Variants in FXN observed in about 807,000 individuals in gnomAD.
The protein encoded by FXN is frataxin, mitochondrial.
Under a neutral mutation model 22.4 loss-of-function variants are expected in FXN, and 14 were observed. The ratio of observed to expected loss-of-function variants is 0.62; its 90% CI spans 0.41 to 0.98. FXN has a LOEUF of 0.98. Ranked by LOEUF, FXN falls within the 50% of genes least tolerant of loss-of-function variation. The pLI is 0.00. For missense variants in FXN, 267 were observed against 268.4 expected (o/e 0.99, Z 0.04); for synonymous variants, 120 against 114.1 (o/e 1.05, Z -0.33).
Position 69,076,820 on chromosome 9 carries a change from A to G in FXN, c.*4058A>G. 1 of 985,496 alleles carries G rather than the reference A, an allele frequency of 1.0e-6. No homozygotes were observed. Among genetic ancestry groups the G allele is most frequent in the African/African-American group, 1.7e-5 (1 of 57,376 alleles). The allele number at this position is 985,496 out of a possible 1,614,324, so 61.0% of individuals were successfully genotyped here. A position where few individuals can be genotyped will look rare whatever the true frequency, so the allele number is the denominator to read the frequency against. On this transcript the variant is annotated 3_prime_UTR_variant, in exon 5 of 5. Coordinates refer to ENST00000484259, the MANE Select transcript of FXN (RefSeq NM_000144.5). ...CAAACTAAAACAGCTACATGCCAGC[A>G]AGGGAGAAAGGGGAAGGAGGGGCAA...
chr9:69,054,310 ACTT>A (rs1255216074), intron 3 of FXN, among the ~76,000 whole-genome samples: 1 of 152,122 alleles, frequency 6.6e-6, no homozygotes, highest in Non-Finnish European at 1.5e-5. Flanking sequence ...TGGTGTGAGA[ACTT>A]CTGAGTTGGA....
intron 4 of FXN, among the ~76,000 whole-genome samples, chr9:69,068,291 A>G (rs1481509497): frequency 6.6e-6 from 1 of 152,216 alleles, no homozygotes; most frequent in Non-Finnish European, 1.5e-5. Flanking sequence ...CCCCCAAGGC[A>G]TTGCATAAAT....
chr9:69,036,014 G>A, intron 1 of FXN, 67 bp downstream of exon 1: 2 of 1,214,782 alleles, frequency 1.6e-6, no homozygotes, highest in South Asian at 3.2e-5. Context: ...CGCCTGCGCA[G>A]GGAGGCGCCG....
At chr9:69,045,485 C>A (rs556755578) in intron 1 of FXN, among the ~76,000 whole-genome samples, 2 of 151,988 alleles carry the variant, frequency 1.3e-5, no homozygotes, top group African/African-American at 4.8e-5. Context: ...CCCAGCTACG[C>A]GGGAGGCTGA....
intron 3 of FXN, among the ~76,000 whole-genome samples, chr9:69,063,975 C>T (rs925916264): frequency 6.6e-6 from 1 of 152,208 alleles, no homozygotes; most frequent in Non-Finnish European, 1.5e-5. Context: ...TGAGCCATGC[C>T]TGGCCTAAAT....
At chr9:69,066,633 G>C (rs763949306) in intron 4 of FXN, among the ~76,000 whole-genome samples, 46 of 152,234 alleles carry the variant, frequency 3.0e-4, no homozygotes, top group Non-Finnish European at 5.7e-4. Flanking sequence ...CCGGGGGAAC[G>C]AAGTGGATCA....
At chr9:69,072,225 C>T (rs1832288321) in intron 4 of FXN, among the ~76,000 whole-genome samples, 1 of 152,182 alleles carries the variant, frequency 6.6e-6, no homozygotes, top group Non-Finnish European at 1.5e-5. Context: ...GTGAATTTCA[C>T]CTTAACAACT....
At chr9:69,041,238 A>G (rs184763808) in intron 1 of FXN, among the ~76,000 whole-genome samples, 196 of 152,100 alleles carry the variant, frequency 1.3e-3, no homozygotes, top group African/African-American at 4.5e-3. Context: ...CAATCCATGT[A>G]TTGCTTATAT....
chr9:69,077,443 T>A lies in FXN; in HGVS notation c.*4681T>A, dbSNP rs1212968810. 1.0e-6 allele frequency: 1 copy of A among 985,394 alleles called. No individual in the cohort carries two copies. Among genetic ancestry groups the A allele is most frequent in the Admixed American group, 6.1e-5 (1 of 16,272 alleles). The allele number at this position is 985,394 out of a possible 1,614,324, so 61.0% of individuals were successfully genotyped here. On this transcript the variant is annotated 3_prime_UTR_variant, in exon 5 of 5. Coordinates refer to ENST00000484259, the MANE Select transcript of FXN (RefSeq NM_000144.5). Reference sequence around the variant, plus strand: ...ATTGAAATGTTTATTAGCTGAAGATTTATTTAGACAGTTGAGGAAAACATC... The same window carrying A: ...ATTGAAATGTTTATTAGCTGAAGATATATTTAGACAGTTGAGGAAAACATC...
At chr9:69,036,346 ATGTG>A (rs1194553962) in intron 1 of FXN, 1 of 155,584 alleles carries the variant, frequency 6.4e-6, no homozygotes, top group African/African-American at 2.4e-5. Flanking sequence ...CATACACATA[ATGTG>A]TGTGTCTGTG....
At chr9:69,060,838 G>C (rs755563750) in intron 3 of FXN, among the ~76,000 whole-genome samples, 1 of 152,156 alleles carries the variant, frequency 6.6e-6, no homozygotes, top group Non-Finnish European at 1.5e-5. Flanking sequence ...TTTTGCAGGA[G>C]GGATGGAGGT....
intron 1 of FXN, among the ~76,000 whole-genome samples, chr9:69,037,283 A>AG (rs1307905280): frequency 3.8e-4 from 30 of 79,134 alleles, no homozygotes; most frequent in African/African-American, 8.7e-4. Context: ...AAAAAAAAAA[A>AG]AAAGAAGAAG....
chr9:69,037,477 T>TA (rs200482881), intron 1 of FXN, among the ~76,000 whole-genome samples: 1,998 of 148,000 alleles, frequency 0.013, 56 homozygotes, highest in African/African-American at 0.045. Context: ...AAAATAATAA[T>TA]AATAAATAAA....
In FXN at chr9:69,073,849, T is replaced by C; in HGVS notation, c.*1087T>C. 1 of 985,402 alleles carries C rather than the reference T, an allele frequency of 1.0e-6. No homozygotes were observed. Among genetic ancestry groups the C allele is most frequent in the Non-Finnish European group, 1.2e-6 (1 of 829,908 alleles). 61.0% of individuals were successfully genotyped at this position (985,402 alleles called of 1,614,324 possible). A position where few individuals can be genotyped will look rare whatever the true frequency, so the allele number is the denominator to read the frequency against. ...GCTATATAGGAAACATTGTTATTGG[T>C]GTTGCCCTATCGTGATTTCAGTTGA... On this transcript the variant is annotated 3_prime_UTR_variant, in exon 5 of 5. Coordinates refer to ENST00000484259, the MANE Select transcript of FXN (RefSeq NM_000144.5).
chr9:69,056,414 A>G (rs1329090718), intron 3 of FXN, among the ~76,000 whole-genome samples: 3 of 152,250 alleles, frequency 2.0e-5, no homozygotes, highest in Non-Finnish European at 4.4e-5. Flanking sequence ...GGAGTAAGCT[A>G]ACGTGTGCAG....
chr9:69,078,921 C>G lies in FXN; in HGVS notation c.*6159C>G, dbSNP rs762949523. On this transcript the variant is annotated 3_prime_UTR_variant, in exon 5 of 5. Coordinates refer to ENST00000484259, the MANE Select transcript of FXN (RefSeq NM_000144.5). ...GTCACCCCTGCTTGGCTGTACCTTC[C>G]ATGAGGCTAGGACTATGTGTCTCCT... The G allele has an allele frequency of 5.4e-4, 525 of 980,154 alleles. 1 individual carries two copies. Among genetic ancestry groups the G allele is most frequent in the Non-Finnish European group, 6.2e-4 (514 of 825,306 alleles). 60.7% of individuals were successfully genotyped at this position (980,154 alleles called of 1,614,324 possible).
chr9:69,076,664 G>GTTTGTGTT lies in FXN; in HGVS notation c.*3909_*3910insTTTTGTGT. ...GAAGACCCATGTTCATAGTGATGGA[G>GTTTGTGTT]TTTGTGTGGACTAACCATGCAAGGT... On this transcript the variant is annotated 3_prime_UTR_variant, in exon 5 of 5. Coordinates refer to ENST00000484259, the MANE Select transcript of FXN (RefSeq NM_000144.5). The GTTTGTGTT allele has an allele frequency of 4.1e-6, 4 of 985,476 alleles. No homozygotes were observed. The highest frequency in any genetic ancestry group is 4.8e-6 in the Non-Finnish European group (4 of 829,952). The allele number at this position is 985,476 out of a possible 1,614,324, so 61.0% of individuals were successfully genotyped here.
chr9:69,050,380 G>T (rs917055909), intron 2 of FXN, among the ~76,000 whole-genome samples: 2 of 152,110 alleles, frequency 1.3e-5, no homozygotes, highest in African/African-American at 4.8e-5. Flanking sequence ...GTGAACCTGG[G>T]TACACATTTC....
Position 69,073,596 on chromosome 9 carries a change from C to A in FXN, c.*834C>A. On this transcript the variant is annotated 3_prime_UTR_variant, in exon 5 of 5. Coordinates refer to ENST00000484259, the MANE Select transcript of FXN (RefSeq NM_000144.5). ...AAGGGGCAGATAAAGGAAGGAGATA[C>A]TCATGTTGATAAAGAGAGCCCTGGT... is the stretch of plus-strand genomic sequence containing the variant. 3.0e-6 allele frequency: 3 copies of A among 985,322 alleles called. No individual in the cohort carries two copies. The highest frequency in any genetic ancestry group is 3.6e-6 in the Non-Finnish European group (3 of 829,942). The allele number at this position is 985,322 out of a possible 1,614,324, so 61.0% of individuals were successfully genotyped here.
Sources: gnomAD v4.1 joint callset for allele counts (sites outside exome capture counted in the v4.1 genomes callset) on GRCh38, gnomAD v4.1.1 for gene constraint, MANE v1.5 for transcripts, NCBI Gene and HGNC (gene_info 2026-07-23, HGNC 2026-07-21) for gene names.